AGBL4: variants seen among roughly 807,000 people sequenced by gnomAD.
AGBL4 encodes the protein AGBL carboxypeptidase 4.
A neutral mutation model predicts 66.4 loss-of-function variants in AGBL4; 58 were observed. The ratio of observed to expected loss-of-function variants is 0.87; its 90% CI spans 0.71 to 1.09. The LOEUF is 1.09. AGBL4 is among the 50% of genes least tolerant of loss of function. The pLI is 0.00. For synonymous variants in AGBL4, 234 were observed against 222.9 expected, an observed-to-expected ratio of 1.05 and a Z score of -0.44; for missense variants, 579 against 631.0, an observed-to-expected ratio of 0.92 and a Z score of 0.88.
intron 5 of AGBL4, among the ~76,000 whole-genome samples, chr1:48,952,877 C>T (rs978302583): frequency 6.6e-6 from 1 of 150,876 alleles, no homozygotes; most frequent in Non-Finnish European, 1.5e-5. Flanking sequence ...TTTTTTTTAG[C>T]TCATCAGCTA....
intron 3 of AGBL4, among the ~76,000 whole-genome samples, chr1:49,409,079 A>C (rs1001019711): frequency 2.0e-5 from 3 of 150,854 alleles, no homozygotes; most frequent in Non-Finnish European, 4.4e-5. Flanking sequence ...TTTTCATTCT[A>C]AATCCCTTCC....
chr1:49,419,346 C>T (rs767624035), intron 3 of AGBL4, among the ~76,000 whole-genome samples: 11 of 152,194 alleles, frequency 7.2e-5, no homozygotes, highest in Admixed American at 4.6e-4. Context: ...GAAATCTTGA[C>T]AACAATTCTG....
chr1:49,987,561 C>T (rs1198472770), intron 1 of AGBL4, among the ~76,000 whole-genome samples: 1 of 151,944 alleles, frequency 6.6e-6, no homozygotes, highest in Non-Finnish European at 1.5e-5. Flanking sequence ...AAACAAAATA[C>T]TAATGAGCAT....
At chr1:48,779,706 T>TA (rs1645244417) in intron 6 of AGBL4, among the ~76,000 whole-genome samples, 2 of 2,514 alleles carry the variant, frequency 8.0e-4, no homozygotes, top group Non-Finnish European at 5.4e-3. Flanking sequence ...GTTCCTCTCT[T>TA]TTTTTTTTTT....
intron 3 of AGBL4, among the ~76,000 whole-genome samples, chr1:49,309,012 A>T (rs1304195148): frequency 1.3e-5 from 2 of 152,108 alleles, no homozygotes; most frequent in Non-Finnish European, 1.5e-5. Flanking sequence ...CACATACCTT[A>T]TTGACAGTTT....
intron 11 of AGBL4, among the ~76,000 whole-genome samples, chr1:48,568,934 C>T (rs1433401023): frequency 2.0e-5 from 3 of 152,184 alleles, no homozygotes; most frequent in Admixed American, 6.5e-5. Context: ...ATTACTGGGT[C>T]CTCAGCCACC....
chr1:49,788,354 T>G (rs922795030), intron 2 of AGBL4, among the ~76,000 whole-genome samples: 1 of 151,778 alleles, frequency 6.6e-6, no homozygotes, highest in African/African-American at 2.4e-5. Flanking sequence ...GAACCAAGAA[T>G]TTCTACAAAA....
chr1:49,482,826 G>A (rs1216054469), intron 3 of AGBL4, among the ~76,000 whole-genome samples: 6 of 151,908 alleles, frequency 3.9e-5, no homozygotes, highest in African/African-American at 1.4e-4. Context: ...TTGTATCTTT[G>A]TTCTCATTAT....
intron 8 of AGBL4, among the ~76,000 whole-genome samples, chr1:48,651,060 T>C (rs1418688796): frequency 6.6e-6 from 1 of 152,200 alleles, no homozygotes; most frequent in Non-Finnish European, 1.5e-5. Flanking sequence ...TATTTTTTTA[T>C]ATATTCTCTA....
At chr1:49,602,890 A>G (rs1229069980) in intron 3 of AGBL4, among the ~76,000 whole-genome samples, 1 of 152,062 alleles carries the variant, frequency 6.6e-6, no homozygotes, top group Non-Finnish European at 1.5e-5. Context: ...GGCAAAAGGA[A>G]AGAACTAACT....
chr1:49,254,244 G>C (rs1048048358), intron 3 of AGBL4, among the ~76,000 whole-genome samples: 1 of 151,950 alleles, frequency 6.6e-6, no homozygotes, highest in East Asian at 1.9e-4. Context: ...TTTCTAGATG[G>C]CACGATCCTC....
chr1:48,766,373 AAATACTGAATG>A (rs1644530513), intron 6 of AGBL4, among the ~76,000 whole-genome samples: 1 of 152,210 alleles, frequency 6.6e-6, no homozygotes, highest in East Asian at 1.9e-4. Flanking sequence ...GAGCCAGAAT[AAATACTGAATG>A]AATGAGTGAA....
intron 5 of AGBL4, among the ~76,000 whole-genome samples, chr1:48,942,318 G>C (rs1397755967): frequency 1.3e-5 from 2 of 151,938 alleles, no homozygotes; most frequent in Admixed American, 6.6e-5. Context: ...GGTGGGGGGG[G>C]GGGGTTGTGG....
intron 6 of AGBL4, among the ~76,000 whole-genome samples, chr1:48,684,214 C>T (rs1392268409): frequency 1.1e-4 from 17 of 152,244 alleles, no homozygotes; most frequent in Admixed American, 1.1e-3. Flanking sequence ...TCTCAGTCTT[C>T]ACTGAAGTCA....
intron 3 of AGBL4, among the ~76,000 whole-genome samples, chr1:49,337,443 C>G (rs984984689): frequency 1.3e-5 from 2 of 152,224 alleles, no homozygotes; most frequent in Non-Finnish European, 1.5e-5. Flanking sequence ...TAACACCATA[C>G]AATTCCTGCT....
intron 9 of AGBL4, among the ~76,000 whole-genome samples, chr1:48,629,979 T>C (rs1333169173): frequency 1.3e-5 from 2 of 152,200 alleles, no homozygotes; most frequent in East Asian, 3.9e-4. Flanking sequence ...ACATTTATCC[T>C]GAGCACCTGC....
chr1:49,878,462 G>T (rs1647098064), intron 1 of AGBL4, among the ~76,000 whole-genome samples: 1 of 151,908 alleles, frequency 6.6e-6, no homozygotes. Flanking sequence ...CCATGTAGTT[G>T]AGCAGCTTTG....
intron 3 of AGBL4, among the ~76,000 whole-genome samples, chr1:49,692,282 G>C (rs780196613): frequency 6.6e-6 from 1 of 152,188 alleles, no homozygotes; most frequent in Non-Finnish European, 1.5e-5. Context: ...TCATAAGTAA[G>C]AGTCAGAAAT....
intron 2 of AGBL4, among the ~76,000 whole-genome samples, chr1:49,733,431 T>C (rs1571430002): frequency 6.6e-6 from 1 of 152,226 alleles, no homozygotes; most frequent in East Asian, 1.9e-4. Context: ...TATAAGAAAT[T>C]TGACATCTTA....
Sources: gnomAD v4.1 joint callset for allele counts (sites outside exome capture counted in the v4.1 genomes callset) on GRCh38, gnomAD v4.1.1 for gene constraint, MANE v1.5 for transcripts, NCBI Gene and HGNC (gene_info 2026-07-23, HGNC 2026-07-21) for gene names.